PTPRD: variants seen among roughly 807,000 people sequenced by gnomAD.
PTPRD encodes receptor-type tyrosine-protein phosphatase delta.
Under a neutral mutation model 214.5 loss-of-function variants are expected in PTPRD, and 34 were observed. The observed-to-expected ratio is 0.16, with a 90% CI of 0.12 to 0.21. PTPRD has a LOEUF of 0.21. PTPRD is among the 10% of genes least tolerant of loss of function. The pLI, the probability that PTPRD is intolerant of heterozygous loss-of-function variation, is 1.00. For synonymous variants in PTPRD, 1,128 were observed against 845.7 expected (o/e 1.33, Z -5.79); for missense variants, 2,545 against 2,398.7 (o/e 1.06, Z -1.27).
At chr9:9,984,025 T>C (rs2095628019) in intron 4 of PTPRD, among the ~76,000 whole-genome samples, 1 of 152,148 alleles carries the variant, frequency 6.6e-6, no homozygotes, top group Non-Finnish European at 1.5e-5. Context: ...ACAAAAAAAT[T>C]GAGAAGCAGT....
chr9:9,459,720 C>T (rs950642257), intron 8 of PTPRD, among the ~76,000 whole-genome samples: 1 of 152,054 alleles, frequency 6.6e-6, no homozygotes, highest in South Asian at 2.1e-4. Flanking sequence ...AGAAAACATC[C>T]CATGCTCATG....
At chr9:9,694,234 CCTT>C (rs2097328974) in intron 7 of PTPRD, among the ~76,000 whole-genome samples, 1 of 151,596 alleles carries the variant, frequency 6.6e-6, no homozygotes, top group Non-Finnish European at 1.5e-5. Context: ...TTCTGCCTGT[CCTT>C]CTTGGGAAGG....
intron 3 of PTPRD, among the ~76,000 whole-genome samples, chr9:10,202,003 A>G (rs1199429370): frequency 6.6e-6 from 1 of 152,022 alleles, no homozygotes; most frequent in Admixed American, 6.6e-5. Context: ...GTTTTCCAAT[A>G]TATTTTGAAC....
chr9:10,057,610 C>A (rs895938266), intron 3 of PTPRD, among the ~76,000 whole-genome samples: 4 of 152,034 alleles, frequency 2.6e-5, no homozygotes, highest in Non-Finnish European at 5.9e-5. Context: ...CTTGGGAGGT[C>A]AAGGCGGGTG....
chr9:10,600,469 C>A (rs7357812), intron 2 of PTPRD, among the ~76,000 whole-genome samples: 1 of 151,652 alleles, frequency 6.6e-6, no homozygotes, highest in Non-Finnish European at 1.5e-5. Flanking sequence ...GTTAGAGCAA[C>A]ATCTCCAGCA....
chr9:9,838,662 T>G (rs1045546811), intron 5 of PTPRD, among the ~76,000 whole-genome samples: 19 of 152,142 alleles, frequency 1.2e-4, no homozygotes, highest in African/African-American at 3.6e-4. Flanking sequence ...ATTCTGGATA[T>G]TAGCCCTTTG....
At chr9:8,697,712 C>A (rs1030971318) in intron 12 of PTPRD, among the ~76,000 whole-genome samples, 1 of 151,992 alleles carries the variant, frequency 6.6e-6, no homozygotes, top group African/African-American at 2.4e-5. Context: ...CATGAGCCAC[C>A]ACGCCCAGGC....
chr9:10,030,770 A>G (rs984661986), intron 4 of PTPRD, among the ~76,000 whole-genome samples: 6 of 152,218 alleles, frequency 3.9e-5, no homozygotes, highest in Non-Finnish European at 8.8e-5. Flanking sequence ...TGGATTATTT[A>G]GTGAAGATAC....
At chr9:8,638,652 T>C (rs976102156) in intron 12 of PTPRD, among the ~76,000 whole-genome samples, 1 of 152,044 alleles carries the variant, frequency 6.6e-6, no homozygotes, top group Non-Finnish European at 1.5e-5. Context: ...TACCACCTCA[T>C]CAGCAAATTC....
chr9:10,082,779 G>A (rs1309060811), intron 3 of PTPRD, among the ~76,000 whole-genome samples: 1 of 149,080 alleles, frequency 6.7e-6, no homozygotes, highest in African/African-American at 2.5e-5. Flanking sequence ...TCTGTACTAG[G>A]AAGGAAAGCA....
chr9:10,578,423 T>C (rs940095099), intron 2 of PTPRD, among the ~76,000 whole-genome samples: 2 of 152,116 alleles, frequency 1.3e-5, no homozygotes, highest in Non-Finnish European at 2.9e-5. Context: ...TAGGGGTTCT[T>C]ACAAATTTTT....
At chr9:10,513,748 A>AT (rs2049066581) in intron 2 of PTPRD, among the ~76,000 whole-genome samples, 2 of 152,130 alleles carry the variant, frequency 1.3e-5, no homozygotes, top group South Asian at 4.1e-4. Flanking sequence ...GTAGTCAATG[A>AT]TTAGGGCCTC....
intron 4 of PTPRD, among the ~76,000 whole-genome samples, chr9:10,007,117 G>T (rs1021306861): frequency 6.6e-6 from 1 of 151,918 alleles, no homozygotes; most frequent in Non-Finnish European, 1.5e-5. Context: ...AAAGATCAAA[G>T]AGTTTAACTT....
intron 26 of PTPRD, among the ~76,000 whole-genome samples, chr9:8,496,200 ACACACACACAAAC>A (rs1563827584): frequency 2.7e-5 from 4 of 146,740 alleles, no homozygotes; most frequent in South Asian, 2.2e-4. Context: ...ACACACACAC[ACACACACACAAAC>A]ACACACACAC....
intron 10 of PTPRD, among the ~76,000 whole-genome samples, chr9:9,140,832 C>A (rs2099859114): frequency 6.6e-6 from 1 of 152,196 alleles, no homozygotes; most frequent in South Asian, 2.1e-4. Flanking sequence ...CCCGCCTCAG[C>A]CTCCCAAAGT....
intron 3 of PTPRD, among the ~76,000 whole-genome samples, chr9:10,321,529 T>C (rs112642248): frequency 1.3e-5 from 2 of 152,068 alleles, no homozygotes; most frequent in Non-Finnish European, 2.9e-5. Context: ...CAAAGTGGAA[T>C]GTGGTTGATT....
At chr9:8,390,285 C>T (rs2089001187) in intron 36 of PTPRD, among the ~76,000 whole-genome samples, 1 of 152,180 alleles carries the variant, frequency 6.6e-6, no homozygotes, top group Non-Finnish European at 1.5e-5. Context: ...CAAAGCTCTG[C>T]AACTTCCCAA....
chr9:8,402,290 C>A (rs1462431536), intron 36 of PTPRD, among the ~76,000 whole-genome samples: 1 of 152,086 alleles, frequency 6.6e-6, no homozygotes, highest in Non-Finnish European at 1.5e-5. Context: ...AGTGCTTTTG[C>A]TTTTATAATA....
At chr9:9,105,597 C>A (rs897262435) in intron 10 of PTPRD, among the ~76,000 whole-genome samples, 5 of 152,136 alleles carry the variant, frequency 3.3e-5, no homozygotes, top group African/African-American at 1.2e-4. Flanking sequence ...GTGGCTCTCA[C>A]AAGATTAGAG....
Sources: allele counts gnomAD v4.1 joint callset (sites outside exome capture counted in the v4.1 genomes callset), GRCh38; gene constraint gnomAD v4.1.1; transcripts MANE v1.5; gene names NCBI Gene and HGNC (gene_info 2026-07-23, HGNC 2026-07-21).